The following GOPC variants were observed in gnomAD, a reference collection of about 807,000 sequenced individuals.
GOPC encodes Golgi-associated PDZ and coiled-coil motif-containing protein.
A neutral mutation model predicts 51.2 loss-of-function variants in GOPC; 32 were observed. That is an observed-to-expected ratio of 0.63 (90% confidence interval 0.47 to 0.84). The LOEUF is 0.84. GOPC is among the 40% of genes least tolerant of loss of function. GOPC has a pLI of 0.00. For missense variants in GOPC, 441 were observed against 555.5 expected (o/e 0.79, Z 2.07); for synonymous variants, 190 against 205.1 (o/e 0.93, Z 0.63).
At chr6:117,584,457 A>G (rs1780002451) in intron 1 of GOPC, among the ~76,000 whole-genome samples, 1 of 152,196 alleles carries the variant, frequency 6.6e-6, no homozygotes, top group Non-Finnish European at 1.5e-5. Flanking sequence ...TTGCTGCAGC[A>G]GCTCACAGAA....
At chr6:117,580,634 C>T (rs1258538471) in intron 1 of GOPC, among the ~76,000 whole-genome samples, 1 of 151,994 alleles carries the variant, frequency 6.6e-6, no homozygotes. Context: ...AGATATAATT[C>T]AATATCATAA....
chr6:117,598,557 A>G (rs1391971085), intron 1 of GOPC, among the ~76,000 whole-genome samples: 1 of 152,180 alleles, frequency 6.6e-6, no homozygotes, highest in Non-Finnish European at 1.5e-5. Flanking sequence ...GATGGTTTCA[A>G]CAAAAGACAT....
rs979222512 is a variant in GOPC, at chr6:117,602,375, G to A, written c.-87C>T. ...AACTGCTGGGACTGAGGGGACCCCC[G>A]CGCGCGCGGGCACACTCCGTCACCT... On this transcript the variant is annotated 5_prime_UTR_variant, in exon 1 of 9. Coordinates refer to ENST00000368498, the MANE Select transcript of GOPC (RefSeq NM_020399.4). The A allele has an allele frequency of 2.6e-5, 35 of 1,322,012 alleles. No individual in the cohort carries two copies. Among genetic ancestry groups the A allele is most frequent in the South Asian group, 1.1e-4 (7 of 65,974 alleles). 81.9% of individuals were successfully genotyped at this position (1,322,012 alleles called of 1,614,324 possible). A position where few individuals can be genotyped will look rare whatever the true frequency, so the allele number is the denominator to read the frequency against.
intron 5 of GOPC, among the ~76,000 whole-genome samples, chr6:117,572,444 C>T (rs749045394): frequency 6.6e-6 from 1 of 152,250 alleles, no homozygotes; most frequent in Non-Finnish European, 1.5e-5. Context: ...GTCCTCTTCA[C>T]TATACCAAAA....
intron 2 of GOPC, 40 bp from the exon 3 acceptor site, chr6:117,577,511 TCAAA>T (rs770528837): frequency 1.3e-6 from 2 of 1,510,216 alleles, no homozygotes; most frequent in South Asian, 1.2e-5. Context: ...TAGAAAAAGA[TCAAA>T]CAAATGATTT....
rs1174757648 is a variant in GOPC, at chr6:117,602,311, G to A, written c.-23C>T. 4 of 1,552,452 alleles carry A rather than the reference G, an allele frequency of 2.6e-6. No homozygotes were observed. Among genetic ancestry groups the A allele is most frequent in the Non-Finnish European group, 3.5e-6 (4 of 1,158,600 alleles). ...CATGGCGCCGTCAAGGGCCTCTCCC[G>A]ACTGCTGAAGACCCTCGCCGCCCCC... On this transcript the variant is annotated 5_prime_UTR_variant, in exon 1 of 9. Coordinates refer to ENST00000368498, the MANE Select transcript of GOPC (RefSeq NM_020399.4).
chr6:117,598,116 C>T (rs564890557), intron 1 of GOPC, among the ~76,000 whole-genome samples: 6 of 150,054 alleles, frequency 4.0e-5, no homozygotes, highest in South Asian at 2.1e-4. Context: ...ACCAGCATTT[C>T]GAGAGGTTGA....
At chr6:117,567,509 A>G (rs1779722357) in intron 7 of GOPC, among the ~76,000 whole-genome samples, 1 of 152,172 alleles carries the variant, frequency 6.6e-6, no homozygotes, top group African/African-American at 2.4e-5. Context: ...ACATCATATA[A>G]ATCTTTTCTT....
intron 1 of GOPC, among the ~76,000 whole-genome samples, chr6:117,601,479 G>C (rs1029728633): frequency 6.6e-6 from 1 of 152,156 alleles, no homozygotes; most frequent in Admixed American, 6.5e-5. Flanking sequence ...CCGAGACAGT[G>C]ATACTATCGT....
rs1267099355 is a variant in GOPC, at chr6:117,562,702, A to G, written c.*552T>C. 1.5e-5 allele frequency: 3 copies of G among 206,884 alleles called. No individual in the cohort carries two copies. In the Admixed American group the frequency reaches 1.8e-4, roughly 12 times the overall value. The allele number at this position is 206,884 out of a possible 1,614,324, so 12.8% of individuals were successfully genotyped here. ...AAATGCAAACTCATTACAATAAATG[A>G]TCATTAATAATTGGTTTAGATTTTA... On this transcript the variant is annotated 3_prime_UTR_variant, in exon 9 of 9. Transcript: ENST00000368498.
intron 1 of GOPC, among the ~76,000 whole-genome samples, chr6:117,587,959 G>A (rs2114622526): frequency 6.6e-6 from 1 of 152,020 alleles, no homozygotes. Context: ...CTGGGGACTT[G>A]GAACTCCTGA....
rs918631409 is a variant in GOPC, at chr6:117,578,881, C to G, written c.450+19G>C. The G allele has an allele frequency of 2.0e-6, 3 of 1,534,462 alleles. No homozygotes were observed. In the East Asian group the frequency reaches 7.1e-5, roughly 36 times the overall value. ...CTGTAAAATACATGCAAGGGCATGT[C>G]ACTCTCTAAACTACTTACCAATTTT... is the stretch of plus-strand genomic sequence containing the variant. On this transcript the variant is annotated intron_variant, in intron 2 of 8. Coordinates refer to ENST00000368498, the MANE Select transcript of GOPC (RefSeq NM_020399.4).
intron 1 of GOPC, among the ~76,000 whole-genome samples, chr6:117,592,914 T>C (rs1029083493): frequency 2.6e-5 from 4 of 152,210 alleles, no homozygotes; most frequent in African/African-American, 9.7e-5. Context: ...TATCTCCTTT[T>C]CATCAGCCCC....
chr6:117,599,854 T>C (rs1431009598), intron 1 of GOPC, among the ~76,000 whole-genome samples: 1 of 152,192 alleles, frequency 6.6e-6, no homozygotes, highest in Non-Finnish European at 1.5e-5. Flanking sequence ...ACTGAGAAAA[T>C]TATCCTTCCT....
At chr6:117,568,775 T>C (rs937703750) in intron 7 of GOPC, among the ~76,000 whole-genome samples, 3 of 152,198 alleles carry the variant, frequency 2.0e-5, no homozygotes, top group South Asian at 2.1e-4. Flanking sequence ...CTGGTTGATA[T>C]CAGCAAGTCT....
At chr6:117,580,932 G>A (rs1779948088) in intron 1 of GOPC, among the ~76,000 whole-genome samples, 1 of 152,124 alleles carries the variant, frequency 6.6e-6, no homozygotes, top group South Asian at 2.1e-4. Context: ...TGCAATGGAA[G>A]ATTAGGTCAA....
In GOPC at chr6:117,561,771, A is replaced by C. The variant is rs1034858201; in HGVS notation, c.*1483T>G. 4.8e-6 allele frequency: 1 copy of C among 207,258 alleles called. No individual in the cohort carries two copies. The highest frequency in any genetic ancestry group is 9.9e-6 in the Non-Finnish European group (1 of 101,116). The allele number at this position is 207,258 out of a possible 1,614,324, so 12.8% of individuals were successfully genotyped here. ...AATTAACATGGTGATATACAGATGA[A>C]CACCACCACCCAAAACAAACCATAA... On this transcript the variant is annotated 3_prime_UTR_variant, in exon 9 of 9. Transcript: ENST00000368498.
At chr6:117,575,504 AGTAC>A in intron 3 of GOPC, 152 bp from the exon 4 acceptor site, 1 of 776,636 alleles carries the variant, frequency 1.3e-6, no homozygotes, top group Non-Finnish European at 2.3e-6. Context: ...CTTTTGAACT[AGTAC>A]CATAACATCT....
Position 117,563,010 on chromosome 6 carries a change from T to A in GOPC, c.*244A>T. 3 of 461,032 alleles carry A rather than the reference T, an allele frequency of 6.5e-6. No homozygotes were observed. Among genetic ancestry groups the A allele is most frequent in the South Asian group, 5.6e-5 (2 of 36,026 alleles). 28.6% of individuals were successfully genotyped at this position (461,032 alleles called of 1,614,324 possible). A position where few individuals can be genotyped will look rare whatever the true frequency, so the allele number is the denominator to read the frequency against. On this transcript the variant is annotated 3_prime_UTR_variant, in exon 9 of 9. Transcript: ENST00000368498. ...CAGTAATACCCCTTTGGGAAACACA[T>A]GCTTTGGTGCTTACAAGTTCAAGAA...
Sources: allele counts gnomAD v4.1 joint callset (sites outside exome capture counted in the v4.1 genomes callset), GRCh38; gene constraint gnomAD v4.1.1; transcripts MANE v1.5; gene names NCBI Gene and HGNC (gene_info 2026-07-23, HGNC 2026-07-21).